NOLC1: variants seen among roughly 807,000 people sequenced by gnomAD.
The protein encoded by NOLC1 is 140 kDa nucleolar phosphoprotein.
Under a neutral mutation model 73.4 loss-of-function variants are expected in NOLC1, and 37 were observed. The ratio of observed to expected loss-of-function variants is 0.50; its 90% CI spans 0.39 to 0.66. The LOEUF is 0.66. Among genes scored for constraint, NOLC1 ranks in the 30% least tolerant of loss-of-function variants. The pLI is 0.00. For synonymous variants in NOLC1, 327 were observed against 302.6 expected (o/e 1.08, Z -0.84); for missense variants, 921 against 838.9 (o/e 1.10, Z -1.21).
At chr10:102,159,829 C>T (rs1265433313) in intron 7 of NOLC1, 67 bp from the exon 8 acceptor site, 2 of 1,418,534 alleles carry the variant, frequency 1.4e-6, no homozygotes, top group African/African-American at 1.4e-5. Flanking sequence ...TTCATTTCTA[C>T]AAGAAAGTAG....
At chr10:102,152,998 AAATG>A (rs2069531429) in intron 1 of NOLC1, among the ~76,000 whole-genome samples, 1 of 152,250 alleles carries the variant, frequency 6.6e-6, no homozygotes, top group African/African-American at 2.4e-5. Flanking sequence ...GTAAAGAAGA[AAATG>A]AATGAAAGTA....
rs1353886532 is a variant in NOLC1 at position 102,161,920 on chromosome 10, G to A, written c.1936G>A (p.Ala646Thr). 1.2e-6 allele frequency: 2 copies of A among 1,614,030 alleles called. No homozygotes were observed. Among genetic ancestry groups the A allele is most frequent in the Admixed American group, 1.7e-5 (1 of 60,024 alleles). The change falls in exon 12 of 13, where the codon GCC becomes ACC. Residue 646 changes from alanine to threonine, a missense_variant. Transcript: ENST00000605788. Reference sequence around the variant, plus strand: ...ACGAGTTGCGGACAACTCCTTTGATGCCAAGGTGAGAGAGAGATCTGTGCC... The same window carrying A: ...ACGAGTTGCGGACAACTCCTTTGATACCAAGGTGAGAGAGAGATCTGTGCC... ...DSRVADNSFD[A>T]KRGAAGDWGE...
chr10:102,152,402 G>T lies in NOLC1; in HGVS notation c.-9G>T, dbSNP rs553466488. ...GTCGACAACGGTAGTGACGCGTATT[G>T]CCTGGAGGATGGCGGACGCCGGCAT... is the stretch of plus-strand genomic sequence containing the variant. On this transcript the variant is annotated 5_prime_UTR_variant, in exon 1 of 13. Coordinates refer to ENST00000605788, the MANE Select transcript of NOLC1 (RefSeq NM_004741.5). The T allele has an allele frequency of 1.2e-5, 20 of 1,608,420 alleles. No homozygotes were observed. The highest frequency in any genetic ancestry group is 6.6e-5 in the South Asian group (6 of 91,088).
Position 102,161,888 on chromosome 10 carries a change from T to C in NOLC1, c.1904T>C (p.Val635Ala), listed in dbSNP as rs1192990658. 6.2e-7 allele frequency: 1 copy of C among 1,614,024 alleles called. No homozygotes were observed. Among genetic ancestry groups the C allele is most frequent in the Admixed American group, 1.7e-5 (1 of 60,006 alleles). The stretch of plus-strand genomic sequence containing the variant: ...AGGGTCAGGGAGGAGGAAATTGAGG[T>C]GGATTCACGAGTTGCGGACAACTCC... ...FRRVREEEIE[V>A]DSRVADNSFD... is the part of the protein sequence containing the mutation. Residue 635 changes from valine (V) to alanine (A), a missense_variant, in exon 12 of 13, where the codon GTG becomes GCG. By Grantham distance (64) the Val-to-Ala change is moderately conservative. Transcript: ENST00000605788.
At chr10:102,159,333 G>A (rs748139936) in intron 6 of NOLC1, 25 bp downstream of exon 6, 1 of 1,614,064 alleles carries the variant, frequency 6.2e-7, no homozygotes, top group Non-Finnish European at 8.5e-7. Context: ...TTCTGTCAGG[G>A]CAGAGGTGAC....
chr10:102,161,422 G>T, intron 10 of NOLC1, 134 bp from the exon 11 acceptor site: 1 of 677,428 alleles, frequency 1.5e-6, no homozygotes, highest in Non-Finnish European at 2.5e-6. Flanking sequence ...TATAGAGACA[G>T]AATCTCACTA....
chr10:102,159,944 C>G lies in NOLC1; in HGVS notation c.908C>G (p.Ser303Cys), dbSNP rs753968469. The G allele has an allele frequency of 2.5e-6, 4 of 1,609,916 alleles. No individual in the cohort carries two copies. The highest frequency in any genetic ancestry group is 2.2e-5 in the East Asian group (1 of 44,728). Reference protein sequence around the residue: ...PPPSAPPPKKSLGTQPPKKAV... With the variant: ...PPPSAPPPKKCLGTQPPKKAV... ...CCTTCTGCTCCCCCACCAAAGAAGT[C>G]TCTGGGAACCCAGCCTCCCAAGAAG... The change falls in exon 8 of 13, where the codon TCT becomes TGT. Residue 303 changes from serine to cysteine, a missense_variant. Transcript: ENST00000605788.
rs750430348 is a variant in NOLC1, at chr10:102,159,935, C to G, written c.899C>G (p.Pro300Arg). 6.2e-7 allele frequency: 1 copy of G among 1,609,092 alleles called. No homozygotes were observed. Among genetic ancestry groups the G allele is most frequent in the Non-Finnish European group, 8.5e-7 (1 of 1,177,698 alleles). Residue 300 changes from proline to arginine, a missense_variant, in exon 8 of 13, where the codon CCA becomes CGA. Transcript: ENST00000605788. ...GTCCCCCCGCCTTCTGCTCCCCCAC[C>G]AAAGAAGTCTCTGGGAACCCAGCCT... is the stretch of plus-strand genomic sequence containing the variant. ...SSVPPPSAPP[P>R]KKSLGTQPPK...
Position 102,152,415 on chromosome 10 carries a change from C to T in NOLC1, c.5C>T (p.Ala2Val). The T allele has an allele frequency of 6.2e-7, 1 of 1,610,080 alleles. No individual in the cohort carries two copies. Among genetic ancestry groups the T allele is most frequent in the Non-Finnish European group, 8.5e-7 (1 of 1,180,002 alleles). Residue 2 changes from alanine to valine, a missense_variant, in exon 1 of 13, where the codon GCG becomes GTG. By Grantham distance (64) the Ala-to-Val change is moderately conservative. Transcript: ENST00000605788. M[A>V]DAGIRRVVPS... The stretch of plus-strand genomic sequence containing the variant: ...GTGACGCGTATTGCCTGGAGGATGG[C>T]GGACGCCGGCATTCGCCGCGTGGTT...
chr10:102,160,507 G>T lies in NOLC1; in HGVS notation c.1155G>T (p.Lys385Asn), dbSNP rs766745577. 1.4e-5 allele frequency: 23 copies of T among 1,614,206 alleles called. No homozygotes were observed. The highest frequency in any genetic ancestry group is 1.2e-4 in the South Asian group (11 of 91,074). Residue 385 changes from lysine to asparagine, a missense_variant, in exon 10 of 13, where the codon AAG becomes AAT. Lys to Asn is a moderately conservative substitution (Grantham distance 94, BLOSUM62 0). Coordinates refer to ENST00000605788, the MANE Select transcript of NOLC1 (RefSeq NM_004741.5). ...EAPSKPAGTT[K>N]NSSNKPAVTT... ...CTTCTAAGCCAGCTGGTACCACCAA[G>T]AATTCTTCAAATAAGCCAGCTGTCA...
intron 1 of NOLC1, 136 bp from the exon 2 acceptor site, chr10:102,156,883 T>A: frequency 1.2e-6 from 1 of 836,630 alleles, no homozygotes; most frequent in South Asian, 1.6e-5. Flanking sequence ...TTCTCCTGAT[T>A]TATGCACGTA....
At position 102,160,353 on chromosome 10, in the gene NOLC1, A is replaced by T. The variant is rs369591428; in HGVS notation, c.1099+10A>T. On this transcript the variant is annotated intron_variant, in intron 9 of 12. Coordinates refer to ENST00000605788, the MANE Select transcript of NOLC1 (RefSeq NM_004741.5). ...TCTTCAGACAGCTCAGGTAAGGCAT[A>T]TGGAGGCCCTCAGTTCAGTGAGATG... 2.5e-6 allele frequency: 4 copies of T among 1,613,894 alleles called. No individual in the cohort carries two copies. Among genetic ancestry groups the T allele is most frequent in the Non-Finnish European group, 3.4e-6 (4 of 1,179,760 alleles).
chr10:102,157,417 G>T lies in NOLC1; in HGVS notation c.317-14G>T, dbSNP rs1304381759. 1 of 1,613,922 alleles carries T rather than the reference G, an allele frequency of 6.2e-7. No homozygotes were observed. Among genetic ancestry groups the T allele is most frequent in the East Asian group, 2.2e-5 (1 of 44,904 alleles). ...ACATGGCTGATTCTTACTGGGACCT[G>T]TGTGTTTGTTCAGCTGTACCTGCCA... On this transcript the variant is annotated splice_polypyrimidine_tract_variant and intron_variant, in intron 3 of 12. Coordinates refer to ENST00000605788, the MANE Select transcript of NOLC1 (RefSeq NM_004741.5).
intron 1 of NOLC1, among the ~76,000 whole-genome samples, chr10:102,155,451 G>T (rs943443528): frequency 6.7e-6 from 1 of 150,282 alleles, no homozygotes; most frequent in Non-Finnish European, 1.5e-5. Context: ...TTGAACTCCT[G>T]TCCTTAAGTG....
chr10:102,159,552 C>A lies in NOLC1; in HGVS notation c.843C>A (p.Pro281=). ...ACGAGGAAGAGGAGCAAAAAAAACC[C>A]ATGAAAAATAAACCAGGTGACTGGA... ...SSDEEEEQKK[P]MKNKPGPYSS... Residue 281 remains proline, a synonymous_variant, in exon 7 of 13, where the codon CCC becomes CCA. Coordinates refer to ENST00000605788, the MANE Select transcript of NOLC1 (RefSeq NM_004741.5). 1.2e-6 allele frequency: 2 copies of A among 1,614,084 alleles called. No individual in the cohort carries two copies. Among genetic ancestry groups the A allele is most frequent in the Non-Finnish European group, 1.7e-6 (2 of 1,180,022 alleles).
chr10:102,158,429 G>A (rs1230702382), intron 5 of NOLC1, among the ~76,000 whole-genome samples: 2 of 152,048 alleles, frequency 1.3e-5, no homozygotes, highest in African/African-American at 4.8e-5. Flanking sequence ...GAAAAAATGT[G>A]TATTTTTTTT....
At position 102,152,521 on chromosome 10, in the gene NOLC1, G is replaced by T; in HGVS notation, c.111G>T (p.Ala37=). The change falls in exon 1 of 13, where the codon GCG becomes GCT. Residue 37 remains alanine, a synonymous_variant. Coordinates refer to ENST00000605788, the MANE Select transcript of NOLC1 (RefSeq NM_004741.5). The part of the protein sequence containing the change: ...LSEVANKFAK[A]TGATQQDANA... ...AGGTGGCCAATAAGTTCGCCAAAGC[G>T]ACAGGAGCTGTGAGTTCCGGGCTTG... 6.2e-7 allele frequency: 1 copy of T among 1,613,790 alleles called. No homozygotes were observed. Among genetic ancestry groups the T allele is most frequent in the Non-Finnish European group, 8.5e-7 (1 of 1,180,054 alleles).
Position 102,152,417 on chromosome 10 carries a change from G to A in NOLC1, c.7G>A (p.Asp3Asn), listed in dbSNP as rs2069520216. 1.9e-6 allele frequency: 3 copies of A among 1,610,366 alleles called. No homozygotes were observed. The highest frequency in any genetic ancestry group is 3.3e-5 in the Admixed American group (2 of 60,010). ...GACGCGTATTGCCTGGAGGATGGCG[G>A]ACGCCGGCATTCGCCGCGTGGTTCC... is the stretch of plus-strand genomic sequence containing the variant. MA[D>N]AGIRRVVPSD... Residue 3 changes from aspartate (D) to asparagine (N), a missense_variant, in exon 1 of 13, where the codon GAC becomes AAC. Transcript: ENST00000605788.
intron 8 of NOLC1, 29 bp downstream of exon 8, chr10:102,160,053 A>C: frequency 6.2e-7 from 1 of 1,607,614 alleles, no homozygotes; most frequent in Non-Finnish European, 8.5e-7. Context: ...GCCTCCCCTC[A>C]GCGTGGGTCT....
Sources: gnomAD v4.1 joint callset for allele counts (sites outside exome capture counted in the v4.1 genomes callset) on GRCh38, gnomAD v4.1.1 for gene constraint, MANE v1.5 for transcripts, NCBI Gene and HGNC (gene_info 2026-07-23, HGNC 2026-07-21) for gene names.